ERBIN: variants seen among roughly 807,000 people sequenced by gnomAD.
ERBIN encodes the protein erbb2 interacting protein.
ERBIN carries 60 observed loss-of-function variants against 158.4 expected under a neutral mutation model. The observed-to-expected ratio is 0.38, with a 90% CI of 0.31 to 0.47. The LOEUF (loss-of-function observed/expected upper bound fraction) is 0.47, where lower values mean the gene tolerates loss of function less well. ERBIN is among the 20% of genes least tolerant of loss of function. The pLI is 0.99. For missense variants in ERBIN, 1,610 were observed against 1,648.0 expected, an observed-to-expected ratio of 0.98 and a Z score of 0.40; for synonymous variants, 594 against 557.2, an observed-to-expected ratio of 1.07 and a Z score of -0.93.
At chr5:66,008,915 A>T (rs16894712) in intron 4 of ERBIN, among the ~76,000 whole-genome samples, 2,860 of 152,352 alleles carry the variant, frequency 0.019, 40 homozygotes, top group African/African-American at 0.027. Context: ...GTCATCCACC[A>T]CATCAGTAGA....
intron 1 of ERBIN, among the ~76,000 whole-genome samples, chr5:65,983,817 A>G (rs56216146): frequency 0.042 from 6,442 of 152,024 alleles, 465 homozygotes; most frequent in African/African-American, 0.15. Context: ...GGATCTGGAG[A>G]CCTGGCATCT....
At chr5:65,949,872 A>C (rs1367352107) in intron 1 of ERBIN, among the ~76,000 whole-genome samples, 2 of 152,208 alleles carry the variant, frequency 1.3e-5, no homozygotes, top group Middle Eastern at 3.4e-3. Context: ...CAGTTTTGCT[A>C]CCTTGCTCAG....
At chr5:66,005,968 G>A (rs1376523125) in intron 4 of ERBIN, among the ~76,000 whole-genome samples, 1 of 152,052 alleles carries the variant, frequency 6.6e-6, no homozygotes, top group East Asian at 1.9e-4. Context: ...TGGCCATACT[G>A]CCCAAGGTAA....
intron 1 of ERBIN, among the ~76,000 whole-genome samples, chr5:65,930,294 TA>T (rs1272085661): frequency 6.6e-6 from 1 of 152,188 alleles, no homozygotes; most frequent in Non-Finnish European, 1.5e-5. Flanking sequence ...TTTAACTTTA[TA>T]TTCATCAGTA....
chr5:66,051,185 A>G (rs968504045), intron 20 of ERBIN, among the ~76,000 whole-genome samples: 3 of 152,172 alleles, frequency 2.0e-5, no homozygotes, highest in South Asian at 2.1e-4. Context: ...TAGATTCTCA[A>G]TCTCTGGTTA....
At position 66,053,896 on chromosome 5, in the gene ERBIN, A is replaced by G. The variant is rs755666093; in HGVS notation, c.2578A>G (p.Lys860Glu). The G allele has an allele frequency of 1.9e-6, 3 of 1,614,136 alleles. No homozygotes were observed. The East Asian group carries it at 6.7e-5, about 36-fold the overall frequency. The change falls in exon 21 of 26, where the codon AAA becomes GAA. Residue 860 changes from lysine (K) to glutamate (E), a missense_variant. Physicochemically the swap from Lys to Glu is moderately conservative, Grantham distance 56 (BLOSUM62 1). Transcript: ENST00000284037. ...SKSTEDLSPQ[K>E]SGPVGSVVKS... ...AAGCACTGAAGATCTCTCCCCTCAG[A>G]AAAGTGGTCCAGTTGGATCTGTTGT... is the stretch of plus-strand genomic sequence containing the variant.
At chr5:65,985,221 G>A (rs1318804426) in intron 1 of ERBIN, among the ~76,000 whole-genome samples, 1 of 152,158 alleles carries the variant, frequency 6.6e-6, no homozygotes, top group African/African-American at 2.4e-5. Context: ...AGCCTCTTGA[G>A]TACTGGGATT....
intron 21 of ERBIN, among the ~76,000 whole-genome samples, chr5:66,057,717 A>T (rs1007944781): frequency 1.7e-5 from 2 of 120,024 alleles, no homozygotes; most frequent in Admixed American, 1.8e-4. Flanking sequence ...CGACCCCACA[A>T]CAGTCCCCAG....
At chr5:66,068,469 T>A (rs1220281637) in intron 21 of ERBIN, among the ~76,000 whole-genome samples, 3 of 152,226 alleles carry the variant, frequency 2.0e-5, no homozygotes, top group Non-Finnish European at 4.4e-5. Context: ...TTAGAATTAC[T>A]GGGTGTTGGT....
At chr5:66,058,889 G>A (rs1046155899) in intron 21 of ERBIN, among the ~76,000 whole-genome samples, 3 of 152,056 alleles carry the variant, frequency 2.0e-5, no homozygotes, top group Admixed American at 6.6e-5. Flanking sequence ...TGTTCCATTG[G>A]TCTATATCCC....
intron 18 of ERBIN, among the ~76,000 whole-genome samples, chr5:66,047,466 T>C (rs1211336279): frequency 7.9e-5 from 12 of 152,086 alleles, no homozygotes; most frequent in Non-Finnish European, 4.4e-5. Flanking sequence ...GATATATATT[T>C]TCATGAATGA....
At chr5:66,068,764 A>G (rs908103435) in intron 21 of ERBIN, 1 of 917,316 alleles carries the variant, frequency 1.1e-6, no homozygotes, top group African/African-American at 1.7e-5. Context: ...TTAGTGTTGC[A>G]TGATACTTCT....
chr5:66,034,329 GC>G (rs1296463656), intron 14 of ERBIN, among the ~76,000 whole-genome samples: 1 of 151,022 alleles, frequency 6.6e-6, no homozygotes, highest in Non-Finnish European at 1.5e-5. Context: ...TCACTCTGTC[GC>G]CCAGGCTGGG....
rs1415688339 is a variant in ERBIN at position 66,025,960 on chromosome 5, C to A, written c.1003C>A (p.Gln335Lys). 6 of 1,584,762 alleles carry A rather than the reference C, an allele frequency of 3.8e-6. No individual in the cohort carries two copies. The highest frequency in any genetic ancestry group is 4.6e-5 in the East Asian group (2 of 43,138). Residue 335 changes from glutamine to lysine, a missense_variant, in exon 12 of 26, where the codon CAG becomes AAG. Gln to Lys is a moderately conservative substitution (Grantham distance 53, BLOSUM62 1). Around this residue, in one of 2 missense-constraint regions of ERBIN, gnomAD observed 596 missense variants for 711.9 expected, o/e 0.84. Transcript: ENST00000284037. ...RTFAADHNYL[Q>K]QLPPEIGSWK... is the part of the protein sequence containing the mutation. ...TTTTGCTGCTGATCATAATTACTTA[C>A]AGCAGTTGCCCCCAGAGGTAATGTA...
At chr5:66,034,274 A>T (rs1265912491) in intron 14 of ERBIN, among the ~76,000 whole-genome samples, 1 of 151,942 alleles carries the variant, frequency 6.6e-6, no homozygotes, top group Non-Finnish European at 1.5e-5. Flanking sequence ...CTTAGAATGT[A>T]GAATTTTCCA....
chr5:66,004,119 T>G (rs956233248), intron 4 of ERBIN, among the ~76,000 whole-genome samples: 5 of 150,268 alleles, frequency 3.3e-5, no homozygotes, highest in African/African-American at 4.9e-5. Flanking sequence ...TTTTTTTTTT[T>G]TTTTAAGAGA....
At position 66,038,500 on chromosome 5, in the gene ERBIN, G is replaced by T. The variant is rs909725963; in HGVS notation, c.1306+18G>T. 16 of 1,546,376 alleles carry T rather than the reference G, an allele frequency of 1.0e-5. No individual in the cohort carries two copies. Among genetic ancestry groups the T allele is most frequent in the Non-Finnish European group, 1.4e-5 (16 of 1,130,094 alleles). ...TGAGGATGGTAGGAATTTCATAATC[G>T]ATTTTCTTGTTAAAAACAAATACTA... On this transcript the variant is annotated intron_variant, in intron 15 of 25. Coordinates refer to ENST00000284037, the MANE Select transcript of ERBIN (RefSeq NM_001253697.2).
intron 21 of ERBIN, among the ~76,000 whole-genome samples, chr5:66,070,127 C>G (rs576287782): frequency 5.9e-5 from 9 of 152,168 alleles, no homozygotes; most frequent in Non-Finnish European, 1.3e-4. Context: ...TCACTGCAAC[C>G]TCCGCCTCCC....
chr5:66,037,612 A>G (rs956200332), intron 14 of ERBIN, among the ~76,000 whole-genome samples: 8 of 152,132 alleles, frequency 5.3e-5, no homozygotes, highest in Non-Finnish European at 8.8e-5. Flanking sequence ...AACTAGCTGG[A>G]AGGTTTTCAT....
Sources: gnomAD v4.1 joint callset for allele counts (sites outside exome capture counted in the v4.1 genomes callset) on GRCh38, gnomAD v4.1.1 for gene constraint, gnomAD v4.1.1 regional missense constraint, MANE v1.5 for transcripts, NCBI Gene and HGNC (gene_info 2026-07-23, HGNC 2026-07-21) for gene names.